The following RAB10 variants were observed in gnomAD, a reference collection of about 807,000 sequenced individuals.
RAB10 encodes RAB10, member RAS oncogene family, also known as ras-related protein Rab-10.
In RAB10, 5 loss-of-function variants were observed where a neutral mutation model predicts 25.7. The ratio of observed to expected loss-of-function variants is 0.19; its 90% CI spans 0.10 to 0.41. The LOEUF (loss-of-function observed/expected upper bound fraction) is 0.41. RAB10 is among the 10% of genes least tolerant of loss of function. The pLI is 1.00. For synonymous variants in RAB10, 89 were observed against 86.4 expected (o/e 1.03, Z -0.16); for missense variants, 103 against 245.8 (o/e 0.42, Z 3.89).
chr2:26,113,161 A>G (rs772735573), intron 3 of RAB10, among the ~76,000 whole-genome samples: 4 of 152,234 alleles, frequency 2.6e-5, no homozygotes, highest in Admixed American at 6.5e-5. Context: ...GAACTTACCC[A>G]GGAATGCAAG....
At position 26,127,841 on chromosome 2, in the gene RAB10, C is replaced by T; in HGVS notation, c.418-9C>T. ...ATAATTTTATGATGATATTTTGTTTCTGTTTTAGATTGCAAGGGAGCATGG... is the reference window on the plus strand; with the variant it reads ...ATAATTTTATGATGATATTTTGTTTTTGTTTTAGATTGCAAGGGAGCATGG... On this transcript the variant is annotated splice_polypyrimidine_tract_variant and intron_variant, in intron 4 of 5. Transcript: ENST00000264710. 6.4e-7 allele frequency: 1 copy of T among 1,568,478 alleles called. No homozygotes were observed. The highest frequency in any genetic ancestry group is 8.8e-7 in the Non-Finnish European group (1 of 1,138,940).
At chr2:26,092,534 A>G (rs1005902744) in intron 1 of RAB10, among the ~76,000 whole-genome samples, 1 of 152,154 alleles carries the variant, frequency 6.6e-6, no homozygotes, top group Non-Finnish European at 1.5e-5. Context: ...GTGATTATTG[A>G]CTAGAAGAAA....
At chr2:26,051,874 T>A (rs1666142859) in intron 1 of RAB10, among the ~76,000 whole-genome samples, 1 of 150,544 alleles carries the variant, frequency 6.6e-6, no homozygotes, top group African/African-American at 2.5e-5. Context: ...CTGACCAACA[T>A]GGTGAAACCC....
At chr2:26,078,880 A>G (rs1437884162) in intron 1 of RAB10, among the ~76,000 whole-genome samples, 1 of 152,182 alleles carries the variant, frequency 6.6e-6, no homozygotes, top group Admixed American at 6.5e-5. Context: ...TAAAAGAATA[A>G]AAGAAACTTT....
chr2:26,060,624 C>T (rs1377701926), intron 1 of RAB10, among the ~76,000 whole-genome samples: 1 of 152,092 alleles, frequency 6.6e-6, no homozygotes, highest in Admixed American at 6.6e-5. Flanking sequence ...AATTGTATAT[C>T]CTTATTTTGC....
At chr2:26,040,561 G>C (rs1351124446) in intron 1 of RAB10, among the ~76,000 whole-genome samples, 1 of 152,102 alleles carries the variant, frequency 6.6e-6, no homozygotes, top group Non-Finnish European at 1.5e-5. Context: ...GGGAGGCTGA[G>C]GTGGGAGGAT....
intron 3 of RAB10, among the ~76,000 whole-genome samples, chr2:26,113,744 A>T (rs1398791703): frequency 3.1e-4 from 3 of 9,662 alleles, no homozygotes; most frequent in East Asian, 0.018. Context: ...AGCCAGAGCT[A>T]AAAAAAAAAA....
In RAB10 at chr2:26,100,430, TAGAC is replaced by T. The variant is rs138746674; in HGVS notation, c.188+1711_188+1714del. Among the ~76,000 whole-genome samples the T allele has an allele frequency of 6.3e-3, 956 of 152,296 alleles. 6 individuals are homozygous for T. Among genetic ancestry groups the T allele is most frequent in the African/African-American group, 0.021 (889 of 41,568 alleles). Reference sequence around the variant, plus strand: ...AATTGTCCTTACTTAAAGTAATAAATAGACAGCCAATAATTGCTGTGAAATCCTA... The same window carrying T: ...AATTGTCCTTACTTAAAGTAATAAATAGCCAATAATTGCTGTGAAATCCTA... On this transcript the variant is annotated intron_variant, in intron 2 of 5. Transcript: ENST00000264710.
chr2:26,063,236 C>T (rs111617014), intron 1 of RAB10, among the ~76,000 whole-genome samples: 9 of 151,956 alleles, frequency 5.9e-5, no homozygotes, highest in African/African-American at 2.2e-4. Context: ...AGACTCCAGT[C>T]ATGTTGGACA....
intron 1 of RAB10, among the ~76,000 whole-genome samples, chr2:26,043,264 C>A (rs1361299420): frequency 6.6e-6 from 1 of 152,034 alleles, no homozygotes; most frequent in Non-Finnish European, 1.5e-5. Context: ...ACCAAGAAAC[C>A]CCCCAAAATT....
At chr2:26,075,497 CTCTG>C (rs1310402758) in intron 1 of RAB10, among the ~76,000 whole-genome samples, 5 of 61,960 alleles carry the variant, frequency 8.1e-5, no homozygotes, top group African/African-American at 1.5e-4. Context: ...TGTTTTGTCT[CTCTG>C]ATTAAAAAAA....
intron 1 of RAB10, among the ~76,000 whole-genome samples, chr2:26,069,355 C>A (rs1022512009): frequency 6.6e-6 from 1 of 152,088 alleles, no homozygotes; most frequent in African/African-American, 2.4e-5. Flanking sequence ...CTTTTTGAGA[C>A]ATATCCTGAG....
At chr2:26,122,397 G>C (rs1667822784) in intron 3 of RAB10, among the ~76,000 whole-genome samples, 1 of 152,216 alleles carries the variant, frequency 6.6e-6, no homozygotes, top group Non-Finnish European at 1.5e-5. Flanking sequence ...GGGAGGCCAA[G>C]GCGGGCAGAT....
intron 1 of RAB10, among the ~76,000 whole-genome samples, chr2:26,072,866 G>A (rs1666657345): frequency 6.6e-6 from 1 of 152,102 alleles, no homozygotes; most frequent in Non-Finnish European, 1.5e-5. Flanking sequence ...ATTTTAAATT[G>A]CATTAAATAC....
At chr2:26,053,630 A>G (rs1039903365) in intron 1 of RAB10, among the ~76,000 whole-genome samples, 1 of 152,078 alleles carries the variant, frequency 6.6e-6, no homozygotes, top group Non-Finnish European at 1.5e-5. Context: ...AAGTGGGAGT[A>G]TTGTTCATCT....
At position 26,088,795 on chromosome 2, in the gene RAB10, T is replaced by C. The variant is rs1471535271; in HGVS notation, c.128-9867T>C. Among the ~76,000 whole-genome samples, 3 of 152,160 alleles carry C rather than the reference T, an allele frequency of 2.0e-5. No individual in the cohort carries two copies. The East Asian group carries it at 5.9e-4, about 30-fold the overall frequency. On this transcript the variant is annotated intron_variant, in intron 1 of 5. Transcript: ENST00000264710. ...GCCCGCCACCATACCCAGCCAATTT[T>C]TGTATTTTTAGTAGACACAGGGTTT...
chr2:26,109,696 C>G, intron 2 of RAB10, 72 bp from the exon 3 acceptor site: 1 of 1,385,540 alleles, frequency 7.2e-7, no homozygotes, highest in African/African-American at 1.5e-5. Context: ...AAAAACTATT[C>G]TTGTTTTGTC....
chr2:26,063,545 A>G lies in RAB10; in HGVS notation c.127+28810A>G, dbSNP rs185847190. 1.9e-4 allele frequency among the ~76,000 whole-genome samples: 29 copies of G among 152,358 alleles called. No homozygotes were observed. In the East Asian group the frequency reaches 4.6e-3, roughly 24 times the overall value. On this transcript the variant is annotated intron_variant, in intron 1 of 5. Transcript: ENST00000264710. ...TCAAAACAAGAACATTGTCTTACATAAGCACAGTATCATTACATGCAAGAA... is the reference window on the plus strand; with the variant it reads ...TCAAAACAAGAACATTGTCTTACATGAGCACAGTATCATTACATGCAAGAA...
At position 26,110,986 on chromosome 2, in the gene RAB10, A is replaced by G. The variant is rs532768167; in HGVS notation, c.327+1080A>G. Among the ~76,000 whole-genome samples, 65 of 152,290 alleles carry G rather than the reference A, an allele frequency of 4.3e-4. 2 individuals are homozygous for G. In the South Asian group the frequency reaches 0.013, roughly 30 times the overall value. On this transcript the variant is annotated intron_variant, in intron 3 of 5. Coordinates refer to ENST00000264710, the MANE Select transcript of RAB10 (RefSeq NM_016131.5). ...CTCCTGAAGTGCTAGGATTGCAGGC[A>G]TGAGCCACTGCACCCAGCCTGATGT...
Sources: allele counts gnomAD v4.1 joint callset (sites outside exome capture counted in the v4.1 genomes callset), GRCh38; gene constraint gnomAD v4.1.1; transcripts MANE v1.5; gene names NCBI Gene and HGNC (gene_info 2026-07-23, HGNC 2026-07-21).